The following GON4L variants were observed in gnomAD, a reference collection of about 807,000 sequenced individuals.
GON4L encodes the protein GON-4-like protein.
Under a neutral mutation model 211.8 loss-of-function variants are expected in GON4L, and 87 were observed. That is an observed-to-expected ratio of 0.41 (90% CI 0.35 to 0.49). The LOEUF is 0.49. Ranked by LOEUF, GON4L falls within the 20% of genes least tolerant of loss-of-function variation. The probability of loss-of-function intolerance (pLI) is 0.15; values close to 1 mark genes in which losing one functional copy is unlikely to be tolerated. For missense variants in GON4L, 2,155 were observed against 2,659.5 expected, an observed-to-expected ratio of 0.81 and a Z score of 4.17; for synonymous variants, 875 against 962.6, an observed-to-expected ratio of 0.91 and a Z score of 1.68.
chr1:155,826,713 A>G, intron 3 of GON4L, 124 bp downstream of exon 3: 1 of 700,842 alleles, frequency 1.4e-6, no homozygotes. Flanking sequence ...GGTCCTGCTT[A>G]CAAGGGTGTA....
At chr1:155,798,405 G>C (rs1335411174) in intron 11 of GON4L, among the ~76,000 whole-genome samples, 1 of 141,650 alleles carries the variant, frequency 7.1e-6, no homozygotes, top group Non-Finnish European at 1.5e-5. Flanking sequence ...TTCACAGCAA[G>C]TTCTTTTTTT....
At position 155,765,530 on chromosome 1, in the gene GON4L, T is replaced by C. The variant is rs1375354376; in HGVS notation, c.3943A>G (p.Asn1315Asp). 2 of 1,614,166 alleles carry C rather than the reference T, an allele frequency of 1.2e-6. No homozygotes were observed. The highest frequency in any genetic ancestry group is 4.5e-5 in the East Asian group (2 of 44,878). The change falls in exon 21 of 32, where the codon AAC becomes GAC. Residue 1315 changes from asparagine to aspartate, a missense_variant. Coordinates refer to ENST00000368331, the MANE Select transcript of GON4L (RefSeq NM_001282860.2). ...TCCTCTAAATCCCCAGGGGTAGGGT[T>C]GTTTAGAGACTCCTGGATGCCCTGA... ...LPQGIQESLNNPTPGDLEEIV... is the reference protein window; with the variant it reads ...LPQGIQESLNDPTPGDLEEIV...
chr1:155,854,328 T>C (rs574703867), intron 1 of GON4L, among the ~76,000 whole-genome samples: 48 of 152,300 alleles, frequency 3.2e-4, no homozygotes, highest in African/African-American at 1.2e-3. Flanking sequence ...TAATTTTTTT[T>C]GTATTTTTAG....
chr1:155,782,769 C>G (rs759036741), intron 14 of GON4L, among the ~76,000 whole-genome samples: 1 of 152,064 alleles, frequency 6.6e-6, no homozygotes, highest in African/African-American at 2.4e-5. Context: ...AAGTGAGTAT[C>G]CTGCCTCAGC....
intron 3 of GON4L, among the ~76,000 whole-genome samples, chr1:155,826,193 AGAGT>A (rs1054326873): frequency 2.6e-5 from 4 of 152,054 alleles, no homozygotes; most frequent in Non-Finnish European, 5.9e-5. Flanking sequence ...TCTGAGTGAC[AGAGT>A]GAGACCCTGT....
intron 2 of GON4L, among the ~76,000 whole-genome samples, chr1:155,834,278 G>A (rs181393372): frequency 1.3e-5 from 2 of 152,090 alleles, no homozygotes; most frequent in South Asian, 2.1e-4. Context: ...ACATTTTAAA[G>A]TACCTTGTTC....
chr1:155,765,567 C>T lies in GON4L; in HGVS notation c.3906G>A (p.Leu1302=). The change falls in exon 21 of 32, where the codon CTG becomes CTA. Residue 1302 remains leucine (L), a synonymous_variant. Transcript: ENST00000368331. ...CCTGGATGCCCTGAGGGAGCGGCTC[C>T]AGAGCTTGCCTCCCCTCCTCTGTTT... The part of the protein sequence containing the change: ...VVKTEEGRQA[L]EPLPQGIQES... 6.2e-7 allele frequency: 1 copy of T among 1,614,156 alleles called. No individual in the cohort carries two copies. Among genetic ancestry groups the T allele is most frequent in the South Asian group, 1.1e-5 (1 of 91,070 alleles).
At chr1:155,850,551 A>G (rs778361509) in intron 2 of GON4L, among the ~76,000 whole-genome samples, 2 of 152,236 alleles carry the variant, frequency 1.3e-5, no homozygotes, top group Non-Finnish European at 2.9e-5. Flanking sequence ...TGACCAACAC[A>G]GTATACCATC....
chr1:155,851,618 A>C (rs538425798), intron 2 of GON4L, among the ~76,000 whole-genome samples: 12 of 152,050 alleles, frequency 7.9e-5, no homozygotes, highest in Admixed American at 2.0e-4. Flanking sequence ...CAGGAGGCTG[A>C]GGCAGGAGAA....
chr1:155,775,053 T>C lies in GON4L; in HGVS notation c.2299A>G (p.Ser767Gly), dbSNP rs766310349. 6 of 1,613,488 alleles carry C rather than the reference T, an allele frequency of 3.7e-6. No homozygotes were observed. The South Asian group carries it at 6.6e-5, about 18-fold the overall frequency. ...CTGCAGTCAATGCTGACATGTGTGCTGAAGTCTTCAATCAGCTGCATAGCT... is the reference window on the plus strand; with the variant it reads ...CTGCAGTCAATGCTGACATGTGTGCCGAAGTCTTCAATCAGCTGCATAGCT... Reference protein sequence around the residue: ...MGAMQLIEDFSTHVSIDCSPH... With the variant: ...MGAMQLIEDFGTHVSIDCSPH... Residue 767 changes from serine to glycine, a missense_variant, in exon 17 of 32, where the codon AGC (serine) becomes GGC (glycine). Physicochemically the swap from Ser to Gly is moderately conservative, Grantham distance 56 (BLOSUM62 0). Coordinates refer to ENST00000368331, the MANE Select transcript of GON4L (RefSeq NM_001282860.2).
chr1:155,790,007 C>G (rs1346608342), intron 12 of GON4L, among the ~76,000 whole-genome samples: 1 of 152,068 alleles, frequency 6.6e-6, no homozygotes, highest in Non-Finnish European at 1.5e-5. Flanking sequence ...GGTATGATCA[C>G]AGCTCACTGC....
At chr1:155,748,108 T>C (rs1168617747), downstream of GON4L, 24 of 1,606,012 alleles carry the variant, frequency 1.5e-5, no homozygotes, top group Non-Finnish European at 2.0e-5. Context: ...CCTGTCAACT[T>C]CCCTTACCTG....
intron 27 of GON4L, among the ~76,000 whole-genome samples, chr1:155,756,314 A>G (rs568717749): frequency 6.6e-6 from 1 of 152,292 alleles, no homozygotes; most frequent in Middle Eastern, 3.4e-3. Flanking sequence ...CTCATCCTCA[A>G]TTGGCTCTAT....
intron 6 of GON4L, 151 bp from the exon 7 acceptor site, chr1:155,816,413 A>C: frequency 1.8e-6 from 1 of 559,862 alleles, no homozygotes; most frequent in South Asian, 2.5e-5. Context: ...GTATACTCTC[A>C]ATTATTTGTC....
chr1:155,773,275 T>G, intron 17 of GON4L, 65 bp from the exon 18 acceptor site: 1 of 1,591,088 alleles, frequency 6.3e-7, no homozygotes, highest in East Asian at 2.2e-5. Flanking sequence ...TAAAAGCCTG[T>G]GAATGCATTT....
At chr1:155,850,788 C>A (rs1235791491) in intron 2 of GON4L, among the ~76,000 whole-genome samples, 2 of 151,986 alleles carry the variant, frequency 1.3e-5, no homozygotes, top group African/African-American at 4.8e-5. Context: ...CAGTGGTTCA[C>A]GCCTGTAATC....
Position 155,805,135 on chromosome 1 carries a change from C to G in GON4L, c.1459G>C (p.Asp487His). The G allele has an allele frequency of 6.2e-7, 1 of 1,611,602 alleles. No individual in the cohort carries two copies. The highest frequency in any genetic ancestry group is 8.5e-7 in the Non-Finnish European group (1 of 1,177,734). Residue 487 changes from aspartate (D) to histidine (H), a missense_variant, in exon 11 of 32, where the codon GAT becomes CAT. By Grantham distance (81) the Asp-to-His change is moderately conservative. Around this residue, in one of 6 missense-constraint regions of GON4L, gnomAD observed 551 missense variants for 854.0 expected, o/e 0.65. Transcript: ENST00000368331. Reference sequence around the variant, plus strand: ...GTTCGAAATGCAATGAGACTGTCATCCATGGGCTGGACAATGGAGAAAGAA... The same window carrying G: ...GTTCGAAATGCAATGAGACTGTCATGCATGGGCTGGACAATGGAGAAAGAA... Reference protein sequence around the residue: ...PVCMDSFQPMDDSLIAFRTRS... With the variant: ...PVCMDSFQPMHDSLIAFRTRS...
chr1:155,748,012 A>T (rs1327184968), downstream of GON4L: 2 of 1,605,404 alleles, frequency 1.2e-6, no homozygotes, highest in Non-Finnish European at 1.7e-6. Flanking sequence ...TATTAAACAC[A>T]GCTTTTGGTC....
intron 2 of GON4L, among the ~76,000 whole-genome samples, chr1:155,834,039 T>C (rs772294799): frequency 3.3e-5 from 5 of 152,184 alleles, no homozygotes; most frequent in Admixed American, 1.3e-4. Flanking sequence ...TTGCCCAGGC[T>C]GTTCTTGAAC....
Sources: gnomAD v4.1 joint callset for allele counts (sites outside exome capture counted in the v4.1 genomes callset) on GRCh38, gnomAD v4.1.1 for gene constraint, gnomAD v4.1.1 regional missense constraint, MANE v1.5 for transcripts, NCBI Gene and HGNC (gene_info 2026-07-23, HGNC 2026-07-21) for gene names.